The following HELB variants were observed in gnomAD, a reference collection of about 807,000 sequenced individuals.
HELB encodes the protein DNA helicase B.
A neutral mutation model predicts 101.7 loss-of-function variants in HELB; 96 were observed. The observed-to-expected ratio is 0.94, with a 90% CI of 0.80 to 1.12. HELB has a LOEUF of 1.12. Among genes scored for constraint, HELB ranks in the 50% most tolerant of loss-of-function variants. The pLI is 0.00. For synonymous variants in HELB, 437 were observed against 459.7 expected (o/e 0.95, Z 0.63); for missense variants, 1,210 against 1,291.9 (o/e 0.94, Z 0.97).
At chr12:66,334,501 A>G (rs562821634) in intron 12 of HELB, among the ~76,000 whole-genome samples, 6 of 148,702 alleles carry the variant, frequency 4.0e-5, no homozygotes, top group African/African-American at 9.9e-5. Flanking sequence ...AAGGCTAGGC[A>G]CAGTGGCTCA....
At position 66,331,228 on chromosome 12, in the gene HELB, C is replaced by T. The variant is rs145996263; in HGVS notation, c.2745C>T (p.Ala915=). Residue 915 remains alanine, a synonymous_variant, in exon 12 of 13, where the codon GCC becomes GCT. Coordinates refer to ENST00000247815, the MANE Select transcript of HELB (RefSeq NM_001370285.1). ...AGCACTGGCAGCATGTCTACACCGC[C>T]GTGACCAGGGGCCGCTGCCGAGTGT... The part of the protein sequence containing the change: ...GRQHWQHVYT[A]VTRGRCRVYV... 240 of 1,614,044 alleles carry T rather than the reference C, an allele frequency of 1.5e-4. No homozygotes were observed. The highest frequency in any genetic ancestry group is 1.9e-4 in the Non-Finnish European group (227 of 1,180,018).
rs779681184 is a variant in HELB, at chr12:66,304,817, C to A, written c.274C>A (p.Gln92Lys). ...ITGAWWRVKV[Q>K]VKPVVGSRSY... ...AGGTGCTTGGTGGAGAGTGAAGGTA[C>A]AAGTAAAGCCTGTGGTGGGATCAAG... is the stretch of plus-strand genomic sequence containing the variant. The change falls in exon 2 of 13, where the codon CAA becomes AAA. Residue 92 changes from glutamine to lysine, a missense_variant. By Grantham distance (53) the Gln-to-Lys change is moderately conservative (BLOSUM62 1). Transcript: ENST00000247815. 1 of 1,613,786 alleles carries A rather than the reference C, an allele frequency of 6.2e-7. No individual in the cohort carries two copies. Among genetic ancestry groups the A allele is most frequent in the Non-Finnish European group, 8.5e-7 (1 of 1,179,954 alleles).
At position 66,310,512 on chromosome 12, in the gene HELB, G is replaced by T; in HGVS notation, c.1584G>T (p.Ala528=). 6.2e-7 allele frequency: 1 copy of T among 1,614,196 alleles called. No homozygotes were observed. Among genetic ancestry groups the T allele is most frequent in the Non-Finnish European group, 8.5e-7 (1 of 1,180,030 alleles). The part of the protein sequence containing the change: ...ITFTEQSQLE[A]DKAIEVLLTA... Reference sequence around the variant, plus strand: ...TTACTGAGCAAAGTCAACTAGAGGCGGACAAGGCTATAGAAGTTTTGCTCA... The same window carrying T: ...TTACTGAGCAAAGTCAACTAGAGGCTGACAAGGCTATAGAAGTTTTGCTCA... The change falls in exon 4 of 13, where the codon GCG becomes GCT. Residue 528 remains alanine, a synonymous_variant. Transcript: ENST00000247815.
Position 66,323,966 on chromosome 12 carries a change from A to T in HELB, c.2298-17A>T, listed in dbSNP as rs369051976. The T allele has an allele frequency of 2.6e-6, 4 of 1,539,292 alleles. No homozygotes were observed. The highest frequency in any genetic ancestry group is 3.6e-6 in the Non-Finnish European group (4 of 1,113,878). ...ACTTTCCAAACTTTGATTATATATT[A>T]TCATTTTCTATCCCAGAGACCATCA... On this transcript the variant is annotated splice_polypyrimidine_tract_variant and intron_variant, in intron 9 of 12. Coordinates refer to ENST00000247815, the MANE Select transcript of HELB (RefSeq NM_001370285.1).
chr12:66,329,186 G>T (rs1194032885), intron 11 of HELB, among the ~76,000 whole-genome samples: 1 of 152,202 alleles, frequency 6.6e-6, no homozygotes, highest in Non-Finnish European at 1.5e-5. Context: ...GTGAAGTTAG[G>T]TGTCTTACTT....
Position 66,315,342 on chromosome 12 carries a change from C to T in HELB, c.1959C>T (p.Asn653=), listed in dbSNP as rs117680200. ...SRNCAIELKT[N]HRAESQLIVD... is the part of the protein sequence containing the mutation. ...ATTGTGCTATTGAGCTAAAGACAAA[C>T]CATAGAGCAGAATCTCAGCTCATTG... Residue 653 remains asparagine (N), a synonymous_variant, in exon 6 of 13, where the codon AAC becomes AAT. Transcript: ENST00000247815. 2.6e-3 allele frequency: 4,249 copies of T among 1,606,276 alleles called. 15 individuals are homozygous for T. Among genetic ancestry groups the T allele is most frequent in the South Asian group, 3.7e-3 (330 of 89,626 alleles).
At chr12:66,325,483 G>A (rs1329160295) in intron 11 of HELB, among the ~76,000 whole-genome samples, 1 of 152,090 alleles carries the variant, frequency 6.6e-6, no homozygotes, top group Non-Finnish European at 1.5e-5. Context: ...TTACAAAACT[G>A]TTACATTAAA....
chr12:66,331,423 A>G lies in HELB; in HGVS notation c.2940A>G (p.Thr980=). 1 of 1,614,188 alleles carries G rather than the reference A, an allele frequency of 6.2e-7. No homozygotes were observed. The highest frequency in any genetic ancestry group is 8.5e-7 in the Non-Finnish European group (1 of 1,180,028). Residue 980 remains threonine (T), a synonymous_variant, in exon 12 of 13, where the codon ACA becomes ACG. Coordinates refer to ENST00000247815, the MANE Select transcript of HELB (RefSeq NM_001370285.1). Reference sequence around the variant, plus strand: ...CTGGAGACAGTGGAGGACCCAGCACACCGTCAGCATCTCCACTCCCTGTAG... The same window carrying G: ...CTGGAGACAGTGGAGGACCCAGCACGCCGTCAGCATCTCCACTCCCTGTAG... ...KSSGDSGGPS[T]PSASPLPVVT...
intron 6 of HELB, among the ~76,000 whole-genome samples, chr12:66,317,634 A>G (rs1486272797): frequency 6.6e-6 from 1 of 152,224 alleles, no homozygotes; most frequent in Non-Finnish European, 1.5e-5. Context: ...ATTTGGTTCT[A>G]GCTGTGCTCC....
chr12:66,331,029 T>C, intron 11 of HELB, 125 bp from the exon 12 acceptor site: 2 of 1,050,806 alleles, frequency 1.9e-6, no homozygotes, highest in Non-Finnish European at 2.8e-6. Context: ...AATGGACACA[T>C]AATAATAGTC....
intron 4 of HELB, among the ~76,000 whole-genome samples, chr12:66,313,732 G>T (rs958351043): frequency 1.3e-5 from 2 of 152,174 alleles, no homozygotes; most frequent in Non-Finnish European, 1.5e-5. Flanking sequence ...GAATGGAAAA[G>T]AATAGGGAGC....
At chr12:66,315,162 A>T in intron 5 of HELB, 80 bp from the exon 6 acceptor site, 1 of 1,064,404 alleles carries the variant, frequency 9.4e-7, no homozygotes, top group Non-Finnish European at 1.3e-6. Flanking sequence ...TTTAACTTTA[A>T]ACTGTTAAAT....
chr12:66,331,059 G>C, intron 11 of HELB, 95 bp from the exon 12 acceptor site: 1 of 1,371,032 alleles, frequency 7.3e-7, no homozygotes, highest in African/African-American at 1.5e-5. Flanking sequence ...AGAAGTGCTT[G>C]AGAGCACTTT....
rs984177504 is a variant in HELB, at chr12:66,324,531, A to G, written c.2526+320A>G. ...TTGAGTAACAAAAAACAAGGCATAA[A>G]TGAGACATAGATTTTAAAAAGCATC... is the stretch of plus-strand genomic sequence containing the variant. On this transcript the variant is annotated intron_variant, in intron 10 of 12. Transcript: ENST00000247815. 1.9e-5 allele frequency: 5 copies of G among 268,164 alleles called. No homozygotes were observed. In the South Asian group the frequency reaches 2.8e-4, roughly 15 times the overall value. 16.6% of individuals were successfully genotyped at this position (268,164 alleles called of 1,614,324 possible).
chr12:66,324,882 CTTATATT>C, intron 10 of HELB, 94 bp from the exon 11 acceptor site: 13 of 1,427,376 alleles, frequency 9.1e-6, no homozygotes, highest in Non-Finnish European at 1.3e-5. Flanking sequence ...AATTGTAATT[CTTATATT>C]TTATGTTTGA....
At position 66,309,931 on chromosome 12, in the gene HELB, CTG is replaced by C. The variant is rs1355427946; in HGVS notation, c.1004_1005del (p.Leu335GlnfsTer12). 6.2e-7 allele frequency: 1 copy of C among 1,614,106 alleles called. No homozygotes were observed. The highest frequency in any genetic ancestry group is 2.2e-5 in the East Asian group (1 of 44,894). On this transcript the variant is annotated frameshift_variant, in exon 4 of 13. Transcript: ENST00000247815. LOFTEE classifies it high-confidence loss of function. ...HMSFHAASES[L>X]KFLKDIGVVT... ...GTCATTTCATGCTGCTTCAGAGTCT[CTG>C]AAGTTTTTGAAGGATATTGGTGTGG...
In HELB at chr12:66,302,596, G is replaced by A; in HGVS notation, c.-8G>A. ...TCCCGAGTTGTTTGGGTTGAGTTCA[G>A]GAGAAGCATGGCCAGGTCGAGTCCG... On this transcript the variant is annotated 5_prime_UTR_variant, in exon 1 of 13. Coordinates refer to ENST00000247815, the MANE Select transcript of HELB (RefSeq NM_001370285.1). 6.2e-7 allele frequency: 1 copy of A among 1,611,548 alleles called. No individual in the cohort carries two copies. The highest frequency in any genetic ancestry group is 8.5e-7 in the Non-Finnish European group (1 of 1,177,922).
Position 66,331,584 on chromosome 12 carries a change from C to G in HELB, c.3101C>G (p.Ser1034Trp), listed in dbSNP as rs1013878533. The G allele has an allele frequency of 8.1e-6, 13 of 1,612,250 alleles. No homozygotes were observed. Among genetic ancestry groups the G allele is most frequent in the Admixed American group, 3.3e-5 (2 of 59,968 alleles). ...GATACAGATGATGATTTACCAAAAT[C>G]GCGAGCATCCAAAAGAACCTGTGGT... The part of the protein sequence containing the change: ...GVDTDDDLPK[S>W]RASKRTCGVN... Residue 1034 changes from serine (S) to tryptophan (W), a missense_variant, in exon 12 of 13, where the codon TCG becomes TGG. Ser to Trp is a radical substitution (Grantham distance 177). Around this residue, in one of 2 missense-constraint regions of HELB, gnomAD observed 740 missense variants for 728.8 expected, o/e 1.02. Transcript: ENST00000247815.
Position 66,331,269 on chromosome 12 carries a change from A to G in HELB, c.2786A>G (p.Glu929Gly). ...GRCRVYVIAE[E>G]SQLRNAIMKN... ...TGCCGAGTGTATGTGATTGCAGAGG[A>G]GTCTCAGCTCCGGAATGCCATTATG... The change falls in exon 12 of 13, where the codon GAG becomes GGG. Residue 929 changes from glutamate to glycine, a missense_variant. This residue lies in a region of HELB where 740 missense variants were observed against 728.8 expected (regional missense o/e 1.02). Coordinates refer to ENST00000247815, the MANE Select transcript of HELB (RefSeq NM_001370285.1). 6.2e-7 allele frequency: 1 copy of G among 1,614,198 alleles called. No homozygotes were observed. The highest frequency in any genetic ancestry group is 8.5e-7 in the Non-Finnish European group (1 of 1,180,024).
Sources: allele counts gnomAD v4.1 joint callset (sites outside exome capture counted in the v4.1 genomes callset), GRCh38; gene constraint gnomAD v4.1.1; regional missense constraint gnomAD v4.1.1; transcripts MANE v1.5; gene names NCBI Gene and HGNC (gene_info 2026-07-23, HGNC 2026-07-21).